NELFB: variants seen among roughly 807,000 people sequenced by gnomAD.
NELFB encodes the protein negative elongation factor complex member B.
NELFB carries 34 observed loss-of-function variants against 60.2 expected under a neutral mutation model. The ratio of observed to expected loss-of-function variants is 0.56; its 90% CI spans 0.43 to 0.75. The LOEUF (loss-of-function observed/expected upper bound fraction) is 0.75. NELFB is among the 30% of genes least tolerant of loss of function. The pLI is 0.00. For synonymous variants in NELFB, 459 were observed against 382.1 expected (o/e 1.20, Z -2.35); for missense variants, 770 against 831.6 (o/e 0.93, Z 0.91).
At chr9:137,264,460 A>G (rs1830495045) in intron 6 of NELFB, 103 bp downstream of exon 6, 2 of 827,890 alleles carry the variant, frequency 2.4e-6, no homozygotes, top group Non-Finnish European at 3.8e-6. Context: ...ATTCCCGGAT[A>G]TTGCTTTTTC....
chr9:137,255,723 G>C, intron 1 of NELFB, 112 bp downstream of exon 1: 1 of 1,430,282 alleles, frequency 7.0e-7, no homozygotes, highest in Middle Eastern at 2.5e-4. Context: ...TGGTGGCTGA[G>C]TCCTGTTCTG....
At chr9:137,259,818 G>A (rs35189194) in intron 4 of NELFB, among the ~76,000 whole-genome samples, 13,521 of 150,380 alleles carry the variant, frequency 0.09, 826 homozygotes, top group South Asian at 0.16. Context: ...TCCGCCTCCC[G>A]GGTTCACTCC....
chr9:137,259,478 C>CA (rs1404832567), intron 4 of NELFB, among the ~76,000 whole-genome samples: 1 of 152,082 alleles, frequency 6.6e-6, no homozygotes, highest in African/African-American at 2.4e-5. Context: ...TGCTGTCAGA[C>CA]AGAGCCCTTG....
chr9:137,264,964 C>T (rs1482137315), intron 6 of NELFB, among the ~76,000 whole-genome samples: 1 of 152,016 alleles, frequency 6.6e-6, no homozygotes, highest in Admixed American at 6.6e-5. Context: ...CATTTGCTTT[C>T]CAGCATCCTC....
rs1228292324 is a variant in NELFB at position 137,272,910 on chromosome 9, C to T, written c.1869C>T (p.Pro623=). ...TGGAGCTGCCCCTCCCCAGCGTGCC[C>T]GCCCCTGCCCCGCTCTGAGGGCCCT... The change falls in exon 13 of 13, where the codon CCC becomes CCT. Residue 623 remains proline, a synonymous_variant. Transcript: ENST00000343053. The T allele has an allele frequency of 2.9e-5, 45 of 1,537,792 alleles. No homozygotes were observed. The East Asian group carries it at 6.6e-4, about 23-fold the overall frequency.
Position 137,255,542 on chromosome 9 carries a change from C to T in NELFB, c.177C>T (p.Ala59=), listed in dbSNP as rs1330187252. 4 of 1,547,112 alleles carry T rather than the reference C, an allele frequency of 2.6e-6. No individual in the cohort carries two copies. The African/African-American group carries it at 5.5e-5, about 21-fold the overall frequency. ...CGGGGCTGCAGGACCTGGGCGTGGCCAACGGCGAGGACCTGAAGGAGACCC... is the reference window on the plus strand; with the variant it reads ...CGGGGCTGCAGGACCTGGGCGTGGCTAACGGCGAGGACCTGAAGGAGACCC... The change falls in exon 1 of 13, where the codon GCC becomes GCT. Residue 59 remains alanine, a synonymous_variant. Coordinates refer to ENST00000343053, the MANE Select transcript of NELFB (RefSeq NM_015456.5).
At position 137,271,702 on chromosome 9, in the gene NELFB, G is replaced by A. The variant is rs28391337; in HGVS notation, c.1490-379G>A. Among the ~76,000 whole-genome samples the A allele has an allele frequency of 2.9e-3, 435 of 152,312 alleles. 1 individual carries two copies. The highest frequency in any genetic ancestry group is 9.9e-3 in the African/African-American group (410 of 41,582). On this transcript the variant is annotated intron_variant, in intron 10 of 12. Coordinates refer to ENST00000343053, the MANE Select transcript of NELFB (RefSeq NM_015456.5). ...TGTTAGGCTTGTTTCTCCTGGGCTCGGCTGCTGGGCAAGGCCTTTTGGGAC... is the reference window on the plus strand; with the variant it reads ...TGTTAGGCTTGTTTCTCCTGGGCTCAGCTGCTGGGCAAGGCCTTTTGGGAC...
At chr9:137,265,031 CTTTTTTTTTTTT>C (rs60479210) in intron 6 of NELFB, among the ~76,000 whole-genome samples, 2 of 126,178 alleles carry the variant, frequency 1.6e-5, no homozygotes, top group South Asian at 2.6e-4. Context: ...TTTTTTCTTC[CTTTTTTTTTTTT>C]TTTTTTTTTT....
At chr9:137,270,586 T>A (rs923497742) in intron 10 of NELFB, among the ~76,000 whole-genome samples, 1 of 145,622 alleles carries the variant, frequency 6.9e-6, no homozygotes, top group Non-Finnish European at 1.5e-5. Flanking sequence ...CGAGACTCCG[T>A]CTCAAAAAAA....
chr9:137,272,997 C>T lies in NELFB; in HGVS notation c.*69C>T. 1 of 1,431,924 alleles carries T rather than the reference C, an allele frequency of 7.0e-7. No individual in the cohort carries two copies. Among genetic ancestry groups the T allele is most frequent in the Non-Finnish European group, 9.2e-7 (1 of 1,082,016 alleles). 88.7% of individuals were successfully genotyped at this position (1,431,924 alleles called of 1,614,324 possible). A position where few individuals can be genotyped will look rare whatever the true frequency, so the allele number is the denominator to read the frequency against. On this transcript the variant is annotated 3_prime_UTR_variant, in exon 13 of 13. Coordinates refer to ENST00000343053, the MANE Select transcript of NELFB (RefSeq NM_015456.5). ...CGGCCCTGCTCAGCCGGAAGAGGCT[C>T]CCGGACCTGGATGTACAGGGCAGTC...
chr9:137,255,877 T>G, intron 1 of NELFB, 30 bp from the exon 2 acceptor site: 2 of 1,608,784 alleles, frequency 1.2e-6, no homozygotes, highest in Non-Finnish European at 1.7e-6. Flanking sequence ...CGCACTGGGC[T>G]GCGTTTGAGG....
At position 137,255,989 on chromosome 9, in the gene NELFB, A is replaced by C; in HGVS notation, c.329A>C (p.His110Pro). ...CACGGGACGCCGCGGCTGGAGTTCC[A>C]CCAGTCGGTATTCGATGAGCTGCGG... Residue 110 changes from histidine to proline, a missense_variant, in exon 2 of 13, where the codon CAC (histidine) becomes CCC (proline). Physicochemically the swap from His to Pro is moderately conservative, Grantham distance 77. Coordinates refer to ENST00000343053, the MANE Select transcript of NELFB (RefSeq NM_015456.5). The C allele has an allele frequency of 6.2e-7, 1 of 1,613,782 alleles. No homozygotes were observed. Among genetic ancestry groups the C allele is most frequent in the Non-Finnish European group, 8.5e-7 (1 of 1,179,996 alleles).
intron 10 of NELFB, among the ~76,000 whole-genome samples, chr9:137,267,923 GAC>G (rs1830539893): frequency 1.3e-5 from 2 of 152,216 alleles, no homozygotes; most frequent in African/African-American, 2.4e-5. Context: ...AGGGGCTTGG[GAC>G]CCCTCAGGTG....
At chr9:137,261,522 G>A (rs941478060) in intron 4 of NELFB, among the ~76,000 whole-genome samples, 2 of 151,862 alleles carry the variant, frequency 1.3e-5, no homozygotes, top group Non-Finnish European at 2.9e-5. Context: ...GCCAGTCATG[G>A]CAGCCGGCGC....
chr9:137,256,211 G>A (rs1837548000), intron 2 of NELFB, 118 bp from the exon 3 acceptor site: 1 of 1,340,480 alleles, frequency 7.5e-7, no homozygotes, highest in Non-Finnish European at 1.1e-6. Flanking sequence ...GTGACCCCTT[G>A]ACCCATGTGT....
intron 5 of NELFB, 76 bp downstream of exon 5, chr9:137,263,298 C>A: frequency 7.5e-7 from 1 of 1,339,542 alleles, no homozygotes; most frequent in Non-Finnish European, 1.0e-6. Context: ...CCCTCCCACT[C>A]CCCGGCCCTC....
In NELFB at chr9:137,263,231, G is replaced by A. The variant is rs375935787; in HGVS notation, c.927+9G>A. ...TGGACCCGTGCCACAAGGTAGCACT[G>A]CCCTCCCTCCTTCCCCCCTACCCTC... On this transcript the variant is annotated intron_variant, in intron 5 of 12. Coordinates refer to ENST00000343053, the MANE Select transcript of NELFB (RefSeq NM_015456.5). The A allele has an allele frequency of 6.3e-7, 1 of 1,598,526 alleles. No individual in the cohort carries two copies. Among genetic ancestry groups the A allele is most frequent in the African/African-American group, 1.3e-5 (1 of 74,650 alleles).
intron 1 of NELFB, 101 bp downstream of exon 1, chr9:137,255,712 C>T: frequency 1.3e-5 from 19 of 1,435,844 alleles, no homozygotes; most frequent in South Asian, 1.0e-4. Context: ...CGGCTTTCTG[C>T]TGGTGGCTGA....
rs1160256370 is a variant in NELFB at position 137,257,171 on chromosome 9, T to G, written c.741+117T>G. ...CTGTGAATGATCGGGTGGTTCTGCT[T>G]CTTGGCTGGGTGGTGGGGGAGGGCT... On this transcript the variant is annotated intron_variant, in intron 4 of 12. Coordinates refer to ENST00000343053, the MANE Select transcript of NELFB (RefSeq NM_015456.5). The G allele has an allele frequency of 6.7e-6, 6 of 889,512 alleles. No individual in the cohort carries two copies. In the African/African-American group the frequency reaches 1.0e-4, roughly 15 times the overall value. The allele number at this position is 889,512 out of a possible 1,614,324, so 55.1% of individuals were successfully genotyped here. A position where few individuals can be genotyped will look rare whatever the true frequency, so the allele number is the denominator to read the frequency against.
Sources: gnomAD v4.1 joint callset for allele counts (sites outside exome capture counted in the v4.1 genomes callset) on GRCh38, gnomAD v4.1.1 for gene constraint, MANE v1.5 for transcripts, NCBI Gene and HGNC (gene_info 2026-07-23, HGNC 2026-07-21) for gene names.